ZNF469: variants seen among roughly 807,000 people sequenced by gnomAD.
ZNF469 encodes the protein zinc finger protein 469.
In ZNF469, 1 loss-of-function variant was observed where a neutral mutation model predicts 1.0. That is an observed-to-expected ratio of 1.00 (90% CI 0.35 to 4.73). The LOEUF (loss-of-function observed/expected upper bound fraction) is 4.73. Ranked by LOEUF, ZNF469 falls within the 30% of genes most tolerant of loss-of-function variation. ZNF469 has a pLI of 0.16. For synonymous variants in ZNF469, 2,703 were observed against 2,363.4 expected, an observed-to-expected ratio of 1.14 and a Z score of -4.17; for missense variants, 6,100 against 5,356.3, an observed-to-expected ratio of 1.14 and a Z score of -4.33.
chr16:88,222,209 C>T, the ZNF469 span, among the ~76,000 whole-genome samples: 1 of 152,244 alleles, frequency 6.6e-6, no homozygotes, highest in African/African-American at 2.4e-5. Flanking sequence ...CTCTCTGCCT[C>T]CTCTTCAGCA....
the ZNF469 span, among the ~76,000 whole-genome samples, chr16:88,331,436 A>T: frequency 1.3e-5 from 2 of 151,260 alleles, no homozygotes; most frequent in African/African-American, 4.9e-5. Flanking sequence ...CACCACCATC[A>T]TAACCATCAT....
At chr16:88,421,193 C>A (rs1905445931) in intron 1 of ZNF469, among the ~76,000 whole-genome samples, 1 of 152,158 alleles carries the variant, frequency 6.6e-6, no homozygotes. Flanking sequence ...GGCACCCCTC[C>A]TTTCAGGCAC....
the ZNF469 span, among the ~76,000 whole-genome samples, chr16:88,255,088 C>G: frequency 1.1e-4 from 17 of 152,294 alleles, no homozygotes; most frequent in African/African-American, 3.9e-4. Context: ...GGGCTGTGCT[C>G]TCAAATTGCT....
the ZNF469 span, among the ~76,000 whole-genome samples, chr16:88,244,235 G>GGC: frequency 6.6e-6 from 1 of 150,592 alleles, no homozygotes. Flanking sequence ...ATGGGTGGGT[G>GGC]GGGGTTTGGG....
the ZNF469 span, among the ~76,000 whole-genome samples, chr16:88,187,470 G>A: frequency 6.6e-6 from 1 of 152,254 alleles, no homozygotes; most frequent in African/African-American, 2.4e-5. Context: ...TCTGTAATCA[G>A]AACAGTGTGA....
chr16:88,239,715 ATT>A, the ZNF469 span, among the ~76,000 whole-genome samples: 32 of 6,768 alleles, frequency 4.7e-3, 2 homozygotes, highest in South Asian at 0.01. Context: ...ATATATATAT[ATT>A]TTTTTTTTTT....
chr16:88,339,969 G>A, the ZNF469 span, among the ~76,000 whole-genome samples: 54 of 152,072 alleles, frequency 3.6e-4, no homozygotes, highest in African/African-American at 1.2e-3. Flanking sequence ...GCGAGTGGGC[G>A]GGCCTCTTTA....
chr16:88,349,553 C>T, the ZNF469 span, among the ~76,000 whole-genome samples: 1 of 142,746 alleles, frequency 7.0e-6, no homozygotes, highest in Non-Finnish European at 1.5e-5. Context: ...CAGGCACACA[C>T]CACACCCAAG....
chr16:88,200,536 G>A, the ZNF469 span, among the ~76,000 whole-genome samples: 4 of 152,316 alleles, frequency 2.6e-5, no homozygotes, highest in Admixed American at 2.6e-4. Flanking sequence ...CCCGGAGGCC[G>A]GTCTGCAACC....
the ZNF469 span, among the ~76,000 whole-genome samples, chr16:88,233,246 G>A: frequency 6.6e-6 from 1 of 152,192 alleles, no homozygotes; most frequent in Non-Finnish European, 1.5e-5. Context: ...TCCCCGCCAG[G>A]TTCTTTGTGT....
At chr16:88,285,683 C>T in the ZNF469 span, among the ~76,000 whole-genome samples, 1 of 152,244 alleles carries the variant, frequency 6.6e-6, no homozygotes, top group Non-Finnish European at 1.5e-5. Flanking sequence ...TGCTCAGGGC[C>T]TCCGTGGGGC....
chr16:88,296,742 C>T, the ZNF469 span, among the ~76,000 whole-genome samples: 3 of 152,140 alleles, frequency 2.0e-5, no homozygotes, highest in East Asian at 1.9e-4. Flanking sequence ...CACCCACACA[C>T]ACATACACAG....
chr16:88,194,442 G>A, the ZNF469 span: 7 of 152,304 alleles, frequency 4.6e-5, no homozygotes, highest in Admixed American at 1.3e-4. Flanking sequence ...GGAAGAAATC[G>A]CGTCCGCTAA....
At chr16:88,389,046 C>G (rs1202460193) in intron 1 of ZNF469, among the ~76,000 whole-genome samples, 2 of 152,260 alleles carry the variant, frequency 1.3e-5, no homozygotes, top group Non-Finnish European at 2.9e-5. Context: ...CATAACCGCT[C>G]TCCTACAGTG....
At chr16:88,231,565 G>T in the ZNF469 span, among the ~76,000 whole-genome samples, 37 of 152,252 alleles carry the variant, frequency 2.4e-4, no homozygotes, top group Admixed American at 2.2e-3. This position sits in a 1 kb window ranked among gnomAD's most constrained non-coding sequence, Gnocchi z 4.5. Context: ...CCAGGGGAGG[G>T]TCCTTTTCTT....
chr16:88,404,807 C>A (rs1371751175), intron 1 of ZNF469, among the ~76,000 whole-genome samples: 3 of 152,116 alleles, frequency 2.0e-5, no homozygotes, highest in African/African-American at 7.2e-5. Context: ...GCACAGCAGA[C>A]CCAGGACAAA....
chr16:88,296,464 A>C, the ZNF469 span, among the ~76,000 whole-genome samples: 337 of 134,866 alleles, frequency 2.5e-3, 1 homozygote, highest in African/African-American at 9.1e-3. Context: ...CCTCCCCCCC[A>C]CACACAGTGC....
the ZNF469 span, among the ~76,000 whole-genome samples, chr16:88,343,898 G>A: frequency 6.6e-6 from 1 of 152,144 alleles, no homozygotes; most frequent in East Asian, 1.9e-4. Flanking sequence ...TGGAAAGAGA[G>A]GGACTGCACA....
At chr16:88,119,038 T>A in the ZNF469 span, among the ~76,000 whole-genome samples, 5,045 of 152,276 alleles carry the variant, frequency 0.033, 272 homozygotes, top group African/African-American at 0.11. Flanking sequence ...TCACTGTTTG[T>A]TTTTGCTCGT....
Sources: allele counts gnomAD v4.1 joint callset (sites outside exome capture counted in the v4.1 genomes callset), GRCh38; gene constraint gnomAD v4.1.1; non-coding constraint Gnocchi (gnomAD v3.1); transcripts MANE v1.5; gene names NCBI Gene and HGNC (gene_info 2026-07-23, HGNC 2026-07-21).